AK5: variants seen among roughly 807,000 people sequenced by gnomAD.
AK5 encodes adenylate kinase 5, also known as adenylate kinase isoenzyme 5.
AK5 carries 27 observed loss-of-function variants against 69.5 expected under a neutral mutation model. That is an observed-to-expected ratio of 0.39 (90% CI 0.29 to 0.54). AK5 has a LOEUF of 0.54. AK5 is among the 20% of genes least tolerant of loss of function. The pLI is 0.71. For missense variants in AK5, 531 were observed against 700.4 expected, an observed-to-expected ratio of 0.76 and a Z score of 2.73; for synonymous variants, 260 against 244.4, an observed-to-expected ratio of 1.06 and a Z score of -0.60.
chr1:77,518,627 ATC>A lies in AK5; in HGVS notation c.1216_1217del (p.Ser406AsnfsTer7). On this transcript the variant is annotated frameshift_variant, in exon 11 of 14. Transcript: ENST00000354567. LOFTEE classifies it high-confidence loss of function. ...CTGGTGGAAAAATATGGATTTACAC[ATC>A]TCTCAACTGGCGAGCTCCTGCGTGA... 6.2e-7 allele frequency: 1 copy of A among 1,614,200 alleles called. No individual in the cohort carries two copies. The highest frequency in any genetic ancestry group is 8.5e-7 in the Non-Finnish European group (1 of 1,180,026).
intron 5 of AK5, among the ~76,000 whole-genome samples, chr1:77,338,897 C>T (rs982864176): frequency 1.1e-4 from 16 of 152,078 alleles, no homozygotes; most frequent in African/African-American, 3.9e-4. Flanking sequence ...TCTCTATTGA[C>T]AGATAAGGAC....
At chr1:77,359,240 C>A (rs1437452494) in intron 6 of AK5, among the ~76,000 whole-genome samples, 1 of 148,088 alleles carries the variant, frequency 6.8e-6, no homozygotes, top group Admixed American at 6.8e-5. Context: ...GGCGACAGAG[C>A]GAGACTCTGT....
intron 6 of AK5, among the ~76,000 whole-genome samples, chr1:77,402,443 C>G (rs1480705806): frequency 1.5e-5 from 2 of 129,956 alleles, no homozygotes; most frequent in Non-Finnish European, 3.3e-5. Flanking sequence ...TATCCCTCCC[C>G]CCTCCCCCCA....
At chr1:77,299,592 G>C (rs1038249415) in intron 5 of AK5, among the ~76,000 whole-genome samples, 3 of 152,134 alleles carry the variant, frequency 2.0e-5, no homozygotes. Context: ...CAGCTTAAAG[G>C]CTTGGTTCTA....
intron 12 of AK5, among the ~76,000 whole-genome samples, chr1:77,526,195 G>C (rs2100331091): frequency 6.6e-6 from 1 of 152,296 alleles, no homozygotes; most frequent in Non-Finnish European, 1.5e-5. Context: ...TAGAATCAAG[G>C]CCTGTGCAGG....
rs369324123 is a variant in AK5 at position 77,475,545 on chromosome 1, T to TTATA, written c.1060-7762_1060-7759dup. 8.1e-4 allele frequency among the ~76,000 whole-genome samples: 68 copies of TTATA among 84,462 alleles called. 2 individuals are homozygous for TTATA. The highest frequency in any genetic ancestry group is 1.6e-3 in the South Asian group (5 of 3,054). 55.4% of individuals were successfully genotyped at this position (84,462 alleles called of 152,430 possible). A position where few individuals can be genotyped will look rare whatever the true frequency, so the allele number is the denominator to read the frequency against. ...TATATTATATATATACAAATATATATTATATATATATATGTATTACTCTCT... is the reference window on the plus strand; with the variant it reads ...TATATTATATATATACAAATATATATTATATATATATATATATGTATTACTCTCT... On this transcript the variant is annotated intron_variant, in intron 8 of 13. Transcript: ENST00000354567.
At chr1:77,532,932 CCAGA>C (rs1400858401) in intron 12 of AK5, among the ~76,000 whole-genome samples, 12 of 152,146 alleles carry the variant, frequency 7.9e-5, no homozygotes, top group Admixed American at 7.9e-4. Context: ...GAGCTAGGAA[CCAGA>C]CAGCTACTCC....
At position 77,333,738 on chromosome 1, in the gene AK5, T is replaced by C. The variant is rs142082252; in HGVS notation, c.700-6639T>C. Among the ~76,000 whole-genome samples, 58 of 152,328 alleles carry C rather than the reference T, an allele frequency of 3.8e-4. 2 individuals are homozygous for C. The highest frequency in any genetic ancestry group is 6.5e-4 in the Non-Finnish European group (44 of 68,032). ...GTGCTACTTGCACGCTACAAGACCA[T>C]ATGGCCGGCAAAGCCTGAAATATTT... On this transcript the variant is annotated intron_variant, in intron 5 of 13. Coordinates refer to ENST00000354567, the MANE Select transcript of AK5 (RefSeq NM_174858.3).
Position 77,557,729 on chromosome 1 carries a change from C to A in AK5, c.1621-873C>A, listed in dbSNP as rs566035082. The stretch of plus-strand genomic sequence containing the variant: ...TCAGAAGTCTCATTTTAAGTAACTC[C>A]GAAGTCTTTCCATGACCCCTAGCAA... On this transcript the variant is annotated intron_variant, in intron 13 of 13. Transcript: ENST00000354567. Among the ~76,000 whole-genome samples the A allele has an allele frequency of 1.0e-3, 152 of 152,204 alleles. 1 individual carries two copies. Among genetic ancestry groups the A allele is most frequent in the African/African-American group, 3.5e-3 (145 of 41,534 alleles).
intron 5 of AK5, among the ~76,000 whole-genome samples, chr1:77,327,390 C>CAA (rs4033041): frequency 0.16 from 20,520 of 128,660 alleles, 1,711 homozygotes; most frequent in Non-Finnish European, 0.2. Context: ...GATCCTGTCT[C>CAA]AAAAAAAAAA....
intron 6 of AK5, among the ~76,000 whole-genome samples, chr1:77,376,452 A>AAAAAAAAAAAAAAAAC (rs1557542594): frequency 1.1e-4 from 1 of 9,050 alleles, no homozygotes; most frequent in African/African-American, 2.3e-4. Context: ...AAAAAAAAAC[A>AAAAAAAAAAAAAAAAC]AAAAAAAAAA....
chr1:77,419,027 G>A (rs1498407), intron 8 of AK5, among the ~76,000 whole-genome samples: 10,156 of 146,670 alleles, frequency 0.069, 506 homozygotes, highest in African/African-American at 0.15. Context: ...TAGGAAGTAA[G>A]AATTATTATC....
At chr1:77,315,514 C>T (rs1291150836) in intron 5 of AK5, among the ~76,000 whole-genome samples, 2 of 152,024 alleles carry the variant, frequency 1.3e-5, no homozygotes, top group Non-Finnish European at 2.9e-5. Context: ...AATGAAACTA[C>T]TTTGAAGAAA....
At chr1:77,549,296 T>G (rs745574795) in intron 13 of AK5, among the ~76,000 whole-genome samples, 2 of 152,188 alleles carry the variant, frequency 1.3e-5, no homozygotes, top group Non-Finnish European at 2.9e-5. Context: ...TGTTTATTTC[T>G]TCCTTAAAAC....
At chr1:77,475,445 T>A (rs865947537) in intron 8 of AK5, among the ~76,000 whole-genome samples, 21 of 12,044 alleles carry the variant, frequency 1.7e-3, no homozygotes, top group Non-Finnish European at 3.9e-3. Flanking sequence ...GTATATATAT[T>A]ATATATATAC....
At chr1:77,548,940 C>T (rs1659677368) in intron 13 of AK5, among the ~76,000 whole-genome samples, 1 of 110,704 alleles carries the variant, frequency 9.0e-6, no homozygotes, top group Non-Finnish European at 1.7e-5. Context: ...TTCATTCTGT[C>T]ACTCTGCTCA....
chr1:77,336,423 A>G (rs1187579353), intron 5 of AK5, among the ~76,000 whole-genome samples: 1 of 152,186 alleles, frequency 6.6e-6, no homozygotes, highest in Non-Finnish European at 1.5e-5. Flanking sequence ...TTGCATAAAC[A>G]AGCAAGCAAA....
intron 5 of AK5, among the ~76,000 whole-genome samples, chr1:77,306,976 TC>T (rs2100278202): frequency 6.6e-6 from 1 of 152,198 alleles, no homozygotes; most frequent in African/African-American, 2.4e-5. Flanking sequence ...GGATCTTGTC[TC>T]TTTTTTTTCC....
At chr1:77,286,857 ATTAATTAAAT>A in intron 1 of AK5, 74 bp from the exon 2 acceptor site, 1 of 880,600 alleles carries the variant, frequency 1.1e-6, no homozygotes, top group Non-Finnish European at 1.5e-6. Context: ...AAAAAAATTA[ATTAATTAAAT>A]TAAATTAAAT....
Sources: allele counts gnomAD v4.1 joint callset (sites outside exome capture counted in the v4.1 genomes callset), GRCh38; gene constraint gnomAD v4.1.1; transcripts MANE v1.5; gene names NCBI Gene and HGNC (gene_info 2026-07-23, HGNC 2026-07-21).